NBEAL1: variants seen among roughly 807,000 people sequenced by gnomAD.
NBEAL1 encodes the protein neurobeachin-like protein 1.
Under a neutral mutation model 351.3 loss-of-function variants are expected in NBEAL1, and 273 were observed. That is an observed-to-expected ratio of 0.78 (90% CI 0.70 to 0.86). The LOEUF (loss-of-function observed/expected upper bound fraction) is 0.86. Among genes scored for constraint, NBEAL1 ranks in the 40% least tolerant of loss-of-function variants. NBEAL1 has a pLI of 0.00. For synonymous variants in NBEAL1, 1,050 were observed against 1,086.4 expected, an observed-to-expected ratio of 0.97 and a Z score of 0.66; for missense variants, 2,961 against 3,201.3, an observed-to-expected ratio of 0.92 and a Z score of 1.81.
At chr2:203,075,532 GCTATCACA>G (rs1358493157) in intron 7 of NBEAL1, among the ~76,000 whole-genome samples, 1 of 152,178 alleles carries the variant, frequency 6.6e-6, no homozygotes, top group Non-Finnish European at 1.5e-5. Flanking sequence ...GATCTTGTGG[GCTATCACA>G]CTATTGTGTG....
chr2:203,095,811 C>T (rs1413372214), intron 10 of NBEAL1, among the ~76,000 whole-genome samples: 3 of 151,588 alleles, frequency 2.0e-5, no homozygotes, highest in African/African-American at 7.3e-5. Context: ...CTCACTCTGT[C>T]ACCTAGGCTG....
intron 12 of NBEAL1, among the ~76,000 whole-genome samples, chr2:203,100,886 G>A (rs1047961549): frequency 2.6e-5 from 4 of 151,950 alleles, no homozygotes; most frequent in South Asian, 2.1e-4. Flanking sequence ...TGTCCTTTGC[G>A]CACTTTTTAG....
At chr2:203,053,562 C>T (rs2061357053) in intron 4 of NBEAL1, among the ~76,000 whole-genome samples, 1 of 151,992 alleles carries the variant, frequency 6.6e-6, no homozygotes, top group South Asian at 2.1e-4. Flanking sequence ...GCAGTGAGTT[C>T]TGTTGCCTGA....
intron 40 of NBEAL1, 122 bp downstream of exon 40, chr2:203,172,145 G>A (rs528852246): frequency 2.2e-6 from 1 of 453,170 alleles, no homozygotes; most frequent in African/African-American, 2.0e-5. Flanking sequence ...CTTTCTGTAT[G>A]TTTTCTACCC....
chr2:203,074,617 C>T (rs1056760857), intron 7 of NBEAL1: 2 of 152,428 alleles, frequency 1.3e-5, no homozygotes, highest in East Asian at 1.9e-4. Context: ...CATGAGCCTC[C>T]ACCCCCAGCC....
At chr2:203,166,775 G>A (rs1365029136) in intron 37 of NBEAL1, among the ~76,000 whole-genome samples, 11 of 151,108 alleles carry the variant, frequency 7.3e-5, no homozygotes, top group African/African-American at 1.2e-4. Flanking sequence ...GGCTGGTCTC[G>A]AACTCCCAAA....
intron 24 of NBEAL1, among the ~76,000 whole-genome samples, chr2:203,129,724 A>G (rs1029177967): frequency 3.3e-5 from 5 of 152,230 alleles, no homozygotes; most frequent in Admixed American, 2.6e-4. Context: ...AGAGAGATAC[A>G]AAGTTCTATG....
intron 36 of NBEAL1, among the ~76,000 whole-genome samples, chr2:203,163,284 T>A (rs903194054): frequency 1.3e-5 from 2 of 152,232 alleles, no homozygotes; most frequent in Non-Finnish European, 2.9e-5. Flanking sequence ...AAGCCTAGAA[T>A]ACACAGAAAG....
intron 2 of NBEAL1, among the ~76,000 whole-genome samples, chr2:203,021,656 T>A (rs1324475872): frequency 6.6e-6 from 1 of 152,104 alleles, no homozygotes; most frequent in Non-Finnish European, 1.5e-5. Context: ...TATTTTTTGA[T>A]AATTCACTTT....
chr2:203,054,573 C>CTCTTTT (rs749553691), intron 4 of NBEAL1, among the ~76,000 whole-genome samples: 2 of 152,068 alleles, frequency 1.3e-5, no homozygotes, highest in Non-Finnish European at 2.9e-5. Flanking sequence ...TACACCCAAC[C>CTCTTTT]TCTTTTTCTT....
In NBEAL1 at chr2:203,077,849, G is replaced by A; in HGVS notation, c.684+12G>A. The A allele has an allele frequency of 1.5e-6, 2 of 1,376,042 alleles. No homozygotes were observed. The highest frequency in any genetic ancestry group is 9.5e-7 in the Non-Finnish European group (1 of 1,047,422). The allele number at this position is 1,376,042 out of a possible 1,614,324, so 85.2% of individuals were successfully genotyped here. A position where few individuals can be genotyped will look rare whatever the true frequency, so the allele number is the denominator to read the frequency against. On this transcript the variant is annotated intron_variant, in intron 8 of 55. Transcript: ENST00000683969. Reference sequence around the variant, plus strand: ...TAGCCGGTGGGCAGGTAAGGAAAGTGTTGAAATTTAATAAATAAAATTATA... The same window carrying A: ...TAGCCGGTGGGCAGGTAAGGAAAGTATTGAAATTTAATAAATAAAATTATA...
intron 48 of NBEAL1, 45 bp downstream of exon 48, chr2:203,197,436 T>G: frequency 8.1e-7 from 1 of 1,227,458 alleles, no homozygotes; most frequent in South Asian, 1.3e-5. Flanking sequence ...CCTATATTCA[T>G]TACAACTTAG....
intron 27 of NBEAL1, among the ~76,000 whole-genome samples, chr2:203,134,546 T>C (rs574443183): frequency 1.8e-4 from 27 of 152,320 alleles, no homozygotes; most frequent in African/African-American, 6.0e-4. Flanking sequence ...CTGAAAATTG[T>C]CAGAGCTAAA....
At chr2:203,132,297 G>A (rs1023690191) in intron 26 of NBEAL1, among the ~76,000 whole-genome samples, 165 bp downstream of exon 26, 1 of 152,072 alleles carries the variant, frequency 6.6e-6, no homozygotes, top group Admixed American at 6.6e-5. Flanking sequence ...TCTCCCCGGG[G>A]CGTAGCACAG....
intron 2 of NBEAL1, among the ~76,000 whole-genome samples, chr2:203,024,979 TATTAA>T (rs2060833673): frequency 6.6e-6 from 1 of 152,348 alleles, no homozygotes; most frequent in South Asian, 2.1e-4. Flanking sequence ...AATTTTTTAT[TATTAA>T]ATTCAACAGA....
chr2:203,085,044 A>G (rs1480944860), intron 10 of NBEAL1: 1 of 155,020 alleles, frequency 6.5e-6, no homozygotes, highest in East Asian at 1.9e-4. Context: ...GCTTGGTGCA[A>G]ACCTATTACT....
Position 203,041,923 on chromosome 2 carries a change from A to G in NBEAL1, c.143+67A>G, listed in dbSNP as rs1001186977. The G allele has an allele frequency of 7.8e-6, 8 of 1,019,490 alleles. No homozygotes were observed. In the African/African-American group the frequency reaches 1.1e-4, roughly 14 times the overall value. 63.2% of individuals were successfully genotyped at this position (1,019,490 alleles called of 1,614,324 possible). ...CATTTTTGGCACAAAGATTTCATTG[A>G]TGACATATTACAAGGATGGCAATTA... On this transcript the variant is annotated intron_variant, in intron 3 of 55. Coordinates refer to ENST00000683969, the MANE Select transcript of NBEAL1 (RefSeq NM_001378026.1).
In NBEAL1 at chr2:203,166,181, A is replaced by C. The variant is rs1449525450; in HGVS notation, c.5747A>C (p.Lys1916Thr). Residue 1916 changes from lysine (K) to threonine (T), a missense_variant, in exon 37 of 56, where the codon AAA (lysine) becomes ACA (threonine). Physicochemically the swap from Lys to Thr is moderately conservative, Grantham distance 78. Coordinates refer to ENST00000683969, the MANE Select transcript of NBEAL1 (RefSeq NM_001378026.1). ...AAAGAAGAACAGGATCAAAAAGAAA[A>C]ATTGGTATTGATGGAAGACTGTGAA... ...DEKEEQDQKEKLVLMEDCELI... is the reference protein window; with the variant it reads ...DEKEEQDQKETLVLMEDCELI... The C allele has an allele frequency of 6.3e-7, 1 of 1,586,820 alleles. No homozygotes were observed. The highest frequency in any genetic ancestry group is 8.5e-7 in the Non-Finnish European group (1 of 1,171,290).
intron 38 of NBEAL1, among the ~76,000 whole-genome samples, chr2:203,167,728 G>T (rs1224615432): frequency 6.6e-6 from 1 of 152,176 alleles, no homozygotes; most frequent in Non-Finnish European, 1.5e-5. Context: ...CTTAAGTAAT[G>T]TAAGTTGTTA....
Sources: allele counts gnomAD v4.1 joint callset (sites outside exome capture counted in the v4.1 genomes callset), GRCh38; gene constraint gnomAD v4.1.1; transcripts MANE v1.5; gene names NCBI Gene and HGNC (gene_info 2026-07-23, HGNC 2026-07-21).